CNTN5: variants seen among roughly 807,000 people sequenced by gnomAD.
The protein encoded by CNTN5 is contactin 5, also known as contactin-5.
CNTN5 carries 77 observed loss-of-function variants against 129.1 expected under a neutral mutation model. The ratio of observed to expected loss-of-function variants is 0.60; its 90% CI spans 0.50 to 0.72. CNTN5 has a LOEUF of 0.72. CNTN5 is among the 30% of genes least tolerant of loss of function. The pLI is 0.00. For synonymous variants in CNTN5, 509 were observed against 465.6 expected, an observed-to-expected ratio of 1.09 and a Z score of -1.20; for missense variants, 1,478 against 1,328.8, an observed-to-expected ratio of 1.11 and a Z score of -1.75.
intron 3 of CNTN5, among the ~76,000 whole-genome samples, chr11:99,809,011 C>A (rs1396254495): frequency 1.3e-5 from 2 of 152,064 alleles, no homozygotes; most frequent in Non-Finnish European, 2.9e-5. Flanking sequence ...AAGCAGGAGC[C>A]AGTGTACCCA....
Position 99,191,522 on chromosome 11 carries a change from C to T in CNTN5, c.-209-133824C>T, listed in dbSNP as rs1338524568. Among the ~76,000 whole-genome samples the T allele has an allele frequency of 2.0e-5, 3 of 151,826 alleles. No individual in the cohort carries two copies. The East Asian group carries it at 5.8e-4, about 29-fold the overall frequency. Reference sequence around the variant, plus strand: ...TACCATACAACCCCTGGAGAATCTTCTTAAGTGCGCACAGAACATTCTCCA... The same window carrying T: ...TACCATACAACCCCTGGAGAATCTTTTTAAGTGCGCACAGAACATTCTCCA... On this transcript the variant is annotated intron_variant, in intron 1 of 24. Transcript: ENST00000524871.
rs1362645148 is a variant in CNTN5, at chr11:100,287,942, G to A, written c.2315-9683G>A. On this transcript the variant is annotated intron_variant, in intron 18 of 24. Transcript: ENST00000524871. ...ACCAAGCAAATGGAAAACAAAAAAAGGCAGGGGTTGCAATCCCAGTCTCTG... is the reference window on the plus strand; with the variant it reads ...ACCAAGCAAATGGAAAACAAAAAAAAGCAGGGGTTGCAATCCCAGTCTCTG... Among the ~76,000 whole-genome samples, 5 of 152,098 alleles carry A rather than the reference G, an allele frequency of 3.3e-5. No homozygotes were observed. The East Asian group carries it at 9.7e-4, about 30-fold the overall frequency.
intron 1 of CNTN5, among the ~76,000 whole-genome samples, chr11:99,246,301 ACATTATTT>A (rs201236610): frequency 0.095 from 14,464 of 152,176 alleles, 718 homozygotes; most frequent in South Asian, 0.14. Context: ...CACTACCCAC[ACATTATTT>A]CATCTGATTA....
chr11:99,819,302 TCCCTCCCCTCTCCTCCCCTCCCCTCCC>T (rs1946696879), intron 3 of CNTN5, among the ~76,000 whole-genome samples: 1 of 4,812 alleles, frequency 2.1e-4, no homozygotes, highest in Non-Finnish European at 4.1e-4. Context: ...CTCCTCCCCT[TCCCTCCCCTCTCCTCCCCTCCCCTCCC>T]CTCCCCTCCT....
At chr11:99,226,114 G>A (rs1447589926) in intron 1 of CNTN5, among the ~76,000 whole-genome samples, 1 of 152,124 alleles carries the variant, frequency 6.6e-6, no homozygotes, top group Admixed American at 6.6e-5. Flanking sequence ...AAAATCATGG[G>A]TAGAATGTCT....
At position 99,622,959 on chromosome 11, in the gene CNTN5, T is replaced by C. The variant is rs1456409509; in HGVS notation, c.55+66690T>C. ...TCCTCTCGCTTTAACTTTAAATTAG[T>C]GTCTGTCTCAATTAGAATGACTCTA... On this transcript the variant is annotated intron_variant, in intron 3 of 24. Transcript: ENST00000524871. 2.6e-5 allele frequency among the ~76,000 whole-genome samples: 4 copies of C among 152,144 alleles called. No individual in the cohort carries two copies. In the East Asian group the frequency reaches 7.7e-4, roughly 29 times the overall value.
At chr11:100,312,389 T>C (rs986236042) in intron 21 of CNTN5, among the ~76,000 whole-genome samples, 8 of 151,964 alleles carry the variant, frequency 5.3e-5, no homozygotes, top group Non-Finnish European at 1.0e-4. Flanking sequence ...CGAAAGAGAG[T>C]TCTGCCTCTG....
intron 13 of CNTN5, among the ~76,000 whole-genome samples, chr11:100,158,136 C>G (rs1018862877): frequency 6.6e-6 from 1 of 151,634 alleles, no homozygotes; most frequent in East Asian, 1.9e-4. Flanking sequence ...AAGACAAACT[C>G]AGAAGAGAAA....
chr11:99,889,525 C>A (rs545455172), intron 6 of CNTN5, among the ~76,000 whole-genome samples: 28 of 148,470 alleles, frequency 1.9e-4, no homozygotes, highest in African/African-American at 7.0e-4. Context: ...TTCCACTAGA[C>A]ATTCTTTTTT....
chr11:99,819,720 T>C lies in CNTN5; in HGVS notation c.232T>C (p.Ser78Pro). 1 of 1,611,346 alleles carries C rather than the reference T, an allele frequency of 6.2e-7. No individual in the cohort carries two copies. The highest frequency in any genetic ancestry group is 8.5e-7 in the Non-Finnish European group (1 of 1,179,132). ...SWLGAAQNYY[S>P]PINLYHSSDA... ...GCTAGGGGCAGCTCAGAATTATTATTCCCCCATCAATCTTTATCATTCCTC... is the reference window on the plus strand; with the variant it reads ...GCTAGGGGCAGCTCAGAATTATTATCCCCCCATCAATCTTTATCATTCCTC... Residue 78 changes from serine to proline, a missense_variant, in exon 4 of 25, where the codon TCC (serine) becomes CCC (proline). Physicochemically the swap from Ser to Pro is moderately conservative, Grantham distance 74 (BLOSUM62 -1). Coordinates refer to ENST00000524871, the MANE Select transcript of CNTN5 (RefSeq NM_014361.4).
intron 3 of CNTN5, among the ~76,000 whole-genome samples, chr11:99,784,610 A>G (rs929328140): frequency 6.6e-6 from 1 of 151,892 alleles, no homozygotes; most frequent in Non-Finnish European, 1.5e-5. Context: ...TGCTGGGTCA[A>G]ATGGTATTTC....
intron 3 of CNTN5, among the ~76,000 whole-genome samples, chr11:99,691,114 T>G (rs1392834246): frequency 6.6e-6 from 1 of 152,048 alleles, no homozygotes; most frequent in Non-Finnish European, 1.5e-5. Flanking sequence ...TGGCCATTAT[T>G]GTTTCTGATT....
chr11:99,904,298 C>T (rs1477958874), intron 6 of CNTN5, among the ~76,000 whole-genome samples: 2 of 152,016 alleles, frequency 1.3e-5, no homozygotes, highest in African/African-American at 4.8e-5. Flanking sequence ...CCCCCCTCCC[C>T]AAGCCCGGAC....
intron 3 of CNTN5, among the ~76,000 whole-genome samples, chr11:99,686,205 G>C (rs1246080826): frequency 6.6e-6 from 1 of 151,876 alleles, no homozygotes; most frequent in Admixed American, 6.6e-5. Flanking sequence ...TGAATAGATT[G>C]ACCCACCAAT....
chr11:99,384,007 T>C (rs1006309083), intron 2 of CNTN5, among the ~76,000 whole-genome samples: 7 of 152,166 alleles, frequency 4.6e-5, no homozygotes, highest in Admixed American at 4.6e-4. Flanking sequence ...TTATCCAAGT[T>C]CCACGGGTGA....
At chr11:99,379,855 G>A (rs1940421574) in intron 2 of CNTN5, among the ~76,000 whole-genome samples, 1 of 152,056 alleles carries the variant, frequency 6.6e-6, no homozygotes, top group African/African-American at 2.4e-5. Context: ...AGCACTTTGG[G>A]AGGCTGAGGC....
chr11:99,778,756 T>A, intron 3 of CNTN5, among the ~76,000 whole-genome samples: 1 of 151,936 alleles, frequency 6.6e-6, no homozygotes, highest in East Asian at 1.9e-4. Flanking sequence ...ATCACTATGA[T>A]TATTTTGGTA....
chr11:99,926,866 A>C (rs2136057751), intron 7 of CNTN5, among the ~76,000 whole-genome samples: 1 of 152,244 alleles, frequency 6.6e-6, no homozygotes, highest in Non-Finnish European at 1.5e-5. Flanking sequence ...GTCTTTGTTA[A>C]ATTAATGAAA....
chr11:99,501,296 C>T (rs899443319), intron 2 of CNTN5, among the ~76,000 whole-genome samples: 4 of 152,120 alleles, frequency 2.6e-5, no homozygotes, highest in Non-Finnish European at 5.9e-5. Context: ...GGTTGTTCTG[C>T]TCCTTCATGA....
Sources: allele counts gnomAD v4.1 joint callset (sites outside exome capture counted in the v4.1 genomes callset), GRCh38; gene constraint gnomAD v4.1.1; transcripts MANE v1.5; gene names NCBI Gene and HGNC (gene_info 2026-07-23, HGNC 2026-07-21).